TNFSF4: variants seen among roughly 807,000 people sequenced by gnomAD.
TNFSF4 encodes the protein tumor necrosis factor ligand superfamily member 4.
A neutral mutation model predicts 7.3 loss-of-function variants in TNFSF4; 4 were observed. The ratio of observed to expected loss-of-function variants is 0.55; its 90% CI spans 0.27 to 1.25. The LOEUF (loss-of-function observed/expected upper bound fraction) is 1.25. TNFSF4 is among the 50% of genes most tolerant of loss of function. The pLI, the probability that TNFSF4 is intolerant of heterozygous loss-of-function variation, is 0.12. For missense variants in TNFSF4, 181 were observed against 208.8 expected (o/e 0.87, Z 0.82); for synonymous variants, 76 against 83.7 (o/e 0.91, Z 0.50).
At chr1:173,205,619 G>C in intron 1 of TNFSF4, 1 of 1,111,876 alleles carries the variant, frequency 9.0e-7, no homozygotes, top group Non-Finnish European at 1.1e-6. Flanking sequence ...CACTCTCAGG[G>C]CTCCCAGACT....
chr1:173,204,831 C>T (rs1259091966), intron 1 of TNFSF4, among the ~76,000 whole-genome samples: 2 of 151,978 alleles, frequency 1.3e-5, no homozygotes, highest in Non-Finnish European at 2.9e-5. Flanking sequence ...GTCTCTTTGT[C>T]AGCAGCTGCT....
the TNFSF4 span, among the ~76,000 whole-genome samples, chr1:173,251,034 C>A: frequency 1.3e-5 from 2 of 152,176 alleles, no homozygotes; most frequent in Non-Finnish European, 2.9e-5. Flanking sequence ...CACCTAAGAC[C>A]TATTGAATCA....
chr1:173,356,007 CA>C, the TNFSF4 span, among the ~76,000 whole-genome samples: 1 of 152,204 alleles, frequency 6.6e-6, no homozygotes, highest in Non-Finnish European at 1.5e-5. Flanking sequence ...CCAAGGAAAA[CA>C]AGCCTGCAAC....
chr1:173,301,313 A>G, the TNFSF4 span, among the ~76,000 whole-genome samples: 1 of 151,102 alleles, frequency 6.6e-6, no homozygotes, highest in Non-Finnish European at 1.5e-5. Flanking sequence ...GATTTAAAGG[A>G]GTAATAAGAA....
At chr1:173,378,919 G>A in the TNFSF4 span, among the ~76,000 whole-genome samples, 3 of 150,368 alleles carry the variant, frequency 2.0e-5, no homozygotes, top group African/African-American at 7.3e-5. Context: ...CCTTCAAGCT[G>A]TAGGGGGAGG....
the TNFSF4 span, among the ~76,000 whole-genome samples, chr1:173,325,417 A>C: frequency 2.6e-5 from 4 of 152,360 alleles, 1 homozygote; most frequent in South Asian, 8.3e-4. Flanking sequence ...AAAGCAGGAA[A>C]GATCTAAAAT....
At chr1:173,425,917 A>G in the TNFSF4 span, among the ~76,000 whole-genome samples, 1 of 152,224 alleles carries the variant, frequency 6.6e-6, no homozygotes, top group Non-Finnish European at 1.5e-5. Context: ...GAAAGTCCTT[A>G]CTGGGACAAA....
the TNFSF4 span, among the ~76,000 whole-genome samples, chr1:173,394,184 G>C: frequency 7.1e-6 from 1 of 141,656 alleles, no homozygotes; most frequent in African/African-American, 2.7e-5. Context: ...GGAGTTCAAG[G>C]CCAGCCTGGA....
Position 173,192,519 on chromosome 1 carries a change from A to G in TNFSF4, c.154-3950T>C, listed in dbSNP as rs573549741. Among the ~76,000 whole-genome samples the G allele has an allele frequency of 7.2e-5, 11 of 152,318 alleles. No homozygotes were observed. In the East Asian group the frequency reaches 1.9e-3, roughly 27 times the overall value. On this transcript the variant is annotated intron_variant, in intron 1 of 2. Coordinates refer to ENST00000281834, the MANE Select transcript of TNFSF4 (RefSeq NM_003326.5). ...ATGACATTCTGGAAAAAGCAAAACT[A>G]TGGAGATTAAAAAGATCAGTGGGTG...
the TNFSF4 span, among the ~76,000 whole-genome samples, chr1:173,311,968 G>A: frequency 6.6e-6 from 1 of 152,088 alleles, no homozygotes; most frequent in South Asian, 2.1e-4. Context: ...AATATTTCTT[G>A]TTGCTTTTAA....
the TNFSF4 span, among the ~76,000 whole-genome samples, chr1:173,379,288 C>G: frequency 6.6e-6 from 1 of 151,976 alleles, no homozygotes; most frequent in Non-Finnish European, 1.5e-5. Context: ...GGACTGGAGT[C>G]TTAAACATCT....
chr1:173,341,831 A>G, the TNFSF4 span, among the ~76,000 whole-genome samples: 314 of 152,254 alleles, frequency 2.1e-3, no homozygotes, highest in African/African-American at 6.2e-3. Flanking sequence ...TGCATTGCAG[A>G]AGCAACCTTA....
chr1:173,329,164 C>A, the TNFSF4 span, among the ~76,000 whole-genome samples: 1 of 152,116 alleles, frequency 6.6e-6, no homozygotes, highest in Admixed American at 6.5e-5. Flanking sequence ...GTACAGCTGT[C>A]CCTAGGTATC....
chr1:173,426,164 C>T, the TNFSF4 span, among the ~76,000 whole-genome samples: 226 of 152,296 alleles, frequency 1.5e-3, no homozygotes, highest in Admixed American at 3.5e-3. Context: ...TCCTGCGAGT[C>T]AGTCTTCCCT....
the TNFSF4 span, among the ~76,000 whole-genome samples, chr1:173,417,416 T>C: frequency 6.6e-6 from 1 of 152,262 alleles, no homozygotes; most frequent in East Asian, 1.9e-4. Context: ...TGTAGCAGGT[T>C]AAATATTGTT....
chr1:173,379,706 C>A, the TNFSF4 span, among the ~76,000 whole-genome samples: 1 of 152,186 alleles, frequency 6.6e-6, no homozygotes, highest in South Asian at 2.1e-4. Context: ...AAGGCCGCAG[C>A]CTTAGTCATG....
At chr1:173,228,073 A>G in the TNFSF4 span, among the ~76,000 whole-genome samples, 1 of 151,800 alleles carries the variant, frequency 6.6e-6, no homozygotes, top group South Asian at 2.1e-4. Context: ...CTGTTTGAAG[A>G]GGAGTAGTGG....
At chr1:173,211,003 G>C (rs184477181), upstream of TNFSF4, among the ~76,000 whole-genome samples, 1 of 152,206 alleles carries the variant, frequency 6.6e-6, no homozygotes, top group African/African-American at 2.4e-5. Flanking sequence ...AAACCCGCAG[G>C]GGGTGCCTTG....
chr1:173,322,509 C>CTCAAG, the TNFSF4 span, among the ~76,000 whole-genome samples: 1 of 152,118 alleles, frequency 6.6e-6, no homozygotes, highest in Non-Finnish European at 1.5e-5. Context: ...GTACCGGGTT[C>CTCAAG]ATCTCACTGG....
Sources: allele counts gnomAD v4.1 joint callset (sites outside exome capture counted in the v4.1 genomes callset), GRCh38; gene constraint gnomAD v4.1.1; transcripts MANE v1.5; gene names NCBI Gene and HGNC (gene_info 2026-07-23, HGNC 2026-07-21).